Variants in ENPP6 observed in about 807,000 individuals in gnomAD.
ENPP6 encodes glycerophosphocholine cholinephosphodiesterase ENPP6.
Under a neutral mutation model 42.0 loss-of-function variants are expected in ENPP6, and 32 were observed. The observed-to-expected ratio is 0.76, with a 90% CI of 0.58 to 1.02. The LOEUF is 1.02. ENPP6 is among the 50% of genes least tolerant of loss of function. ENPP6 has a pLI of 0.00. For missense variants in ENPP6, 552 were observed against 566.8 expected, an observed-to-expected ratio of 0.97 and a Z score of 0.27; for synonymous variants, 213 against 216.0, an observed-to-expected ratio of 0.99 and a Z score of 0.12.
At position 184,217,859 on chromosome 4, in the gene ENPP6, C is replaced by T. The variant is rs202007283; in HGVS notation, c.-40G>A. On this transcript the variant is annotated 5_prime_UTR_variant, in exon 1 of 8. Coordinates refer to ENST00000296741, the MANE Select transcript of ENPP6 (RefSeq NM_153343.4). The stretch of plus-strand genomic sequence containing the variant: ...GCCAGAGCCCGGCTGGCACAGCTGT[C>T]GCCTTGCAAAGACTGAGGATGGAGA... The T allele has an allele frequency of 1.6e-4, 255 of 1,599,778 alleles. No individual in the cohort carries two copies. The highest frequency in any genetic ancestry group is 2.1e-4 in the Non-Finnish European group (242 of 1,173,808).
intron 2 of ENPP6, among the ~76,000 whole-genome samples, chr4:184,150,160 A>T (rs1307664389): frequency 2.6e-5 from 4 of 152,154 alleles, no homozygotes; most frequent in Non-Finnish European, 5.9e-5. Flanking sequence ...CCTGCACTCC[A>T]ATGGCAACAC....
Position 184,112,828 on chromosome 4 carries a change from G to A in ENPP6, c.856-19C>T. On this transcript the variant is annotated intron_variant, in intron 5 of 7. Transcript: ENST00000296741. Reference sequence around the variant, plus strand: ...TATATATCTGCAAAGAAAATCAAGAGTGATCAGTTTGACACTCTCTTAAAT... The same window carrying A: ...TATATATCTGCAAAGAAAATCAAGAATGATCAGTTTGACACTCTCTTAAAT... 6.2e-7 allele frequency: 1 copy of A among 1,610,956 alleles called. No individual in the cohort carries two copies. The highest frequency in any genetic ancestry group is 8.5e-7 in the Non-Finnish European group (1 of 1,178,826).
intron 2 of ENPP6, among the ~76,000 whole-genome samples, chr4:184,141,529 G>T: frequency 6.6e-6 from 1 of 152,344 alleles, no homozygotes; most frequent in East Asian, 1.9e-4. Context: ...CTTTGAGGGC[G>T]TGGTTTAGCT....
At chr4:184,118,450 T>G (rs1056850644) in intron 3 of ENPP6, among the ~76,000 whole-genome samples, 2 of 152,220 alleles carry the variant, frequency 1.3e-5, no homozygotes, top group Non-Finnish European at 2.9e-5. Context: ...CTGGTTTCCT[T>G]AAGGCTATTA....
At chr4:184,169,223 GC>G (rs1235389044) in intron 1 of ENPP6, among the ~76,000 whole-genome samples, 2 of 152,176 alleles carry the variant, frequency 1.3e-5, no homozygotes, top group Non-Finnish European at 2.9e-5. Context: ...GTGGCATCCA[GC>G]CCTAGCCAGG....
intron 2 of ENPP6, among the ~76,000 whole-genome samples, chr4:184,130,775 A>T (rs1171694432): frequency 6.6e-6 from 1 of 152,022 alleles, no homozygotes; most frequent in Non-Finnish European, 1.5e-5. Context: ...ATCTTAATGG[A>T]ACTAACTTTT....
chr4:184,203,988 G>A (rs1732946621), intron 1 of ENPP6: 1 of 152,252 alleles, frequency 6.6e-6, no homozygotes, highest in South Asian at 2.1e-4. Flanking sequence ...CAGTTCTGGA[G>A]GCTGGGAGTT....
At chr4:184,204,542 G>A (rs1272151021) in intron 1 of ENPP6, among the ~76,000 whole-genome samples, 2 of 152,060 alleles carry the variant, frequency 1.3e-5, no homozygotes, top group East Asian at 1.9e-4. Flanking sequence ...CCACTTTCTC[G>A]ACTTCAGCGA....
intron 2 of ENPP6, among the ~76,000 whole-genome samples, chr4:184,130,365 T>C (rs1439137838): frequency 1.3e-5 from 2 of 149,658 alleles, no homozygotes; most frequent in Non-Finnish European, 3.0e-5. Context: ...GAGACCATCC[T>C]GGCTAACACG....
At chr4:184,183,519 ATT>A (rs1159361853) in intron 1 of ENPP6, among the ~76,000 whole-genome samples, 5 of 112,872 alleles carry the variant, frequency 4.4e-5, no homozygotes, top group African/African-American at 8.4e-5. Flanking sequence ...ACACACACAC[ATT>A]CACACACACA....
At chr4:184,103,255 AC>A (rs1212111051) in intron 6 of ENPP6, among the ~76,000 whole-genome samples, 2 of 152,234 alleles carry the variant, frequency 1.3e-5, no homozygotes, top group African/African-American at 4.8e-5. Context: ...TCTCCTTTCA[AC>A]TACTGAAAGT....
At chr4:184,133,621 T>C (rs971871293) in intron 2 of ENPP6, among the ~76,000 whole-genome samples, 1 of 152,078 alleles carries the variant, frequency 6.6e-6, no homozygotes, top group Admixed American at 6.6e-5. Flanking sequence ...AGTTCAAAGC[T>C]AAATAGAAGT....
At chr4:184,144,506 G>A (rs1174440237) in intron 2 of ENPP6, among the ~76,000 whole-genome samples, 1 of 152,210 alleles carries the variant, frequency 6.6e-6, no homozygotes, top group Non-Finnish European at 1.5e-5. Flanking sequence ...GGAACGGATC[G>A]GGGGCAGCCT....
intron 1 of ENPP6, among the ~76,000 whole-genome samples, chr4:184,189,807 C>G (rs529866879): frequency 4.3e-4 from 65 of 152,300 alleles, no homozygotes; most frequent in African/African-American, 1.6e-3. Flanking sequence ...CACTTCTGGT[C>G]CATCCTGACT....
At chr4:184,117,127 C>T in intron 4 of ENPP6, 92 bp from the exon 5 acceptor site, 1 of 1,434,360 alleles carries the variant, frequency 7.0e-7, no homozygotes, top group Non-Finnish European at 9.6e-7. Context: ...AGGAGAAAGG[C>T]TATCTCCTCA....
chr4:184,132,128 T>C (rs1736647700), intron 2 of ENPP6, among the ~76,000 whole-genome samples: 1 of 152,086 alleles, frequency 6.6e-6, no homozygotes, highest in African/African-American at 2.4e-5. Context: ...GAGGGAAAAA[T>C]ACATTACTGA....
chr4:184,150,386 A>T (rs529392241), intron 2 of ENPP6, among the ~76,000 whole-genome samples: 1 of 152,116 alleles, frequency 6.6e-6, no homozygotes, highest in South Asian at 2.1e-4. Flanking sequence ...AGAGCAACGA[A>T]GATTTTCCAG....
chr4:184,122,093 T>C (rs567696886), intron 3 of ENPP6, among the ~76,000 whole-genome samples: 34 of 152,350 alleles, frequency 2.2e-4, no homozygotes, highest in African/African-American at 7.7e-4. Context: ...CCAAAGGGGC[T>C]GTTTCTGGTG....
At chr4:184,151,584 AG>A (rs1197247084) in intron 2 of ENPP6, among the ~76,000 whole-genome samples, 2 of 152,198 alleles carry the variant, frequency 1.3e-5, no homozygotes, top group Non-Finnish European at 2.9e-5. Context: ...AGATAGTGAA[AG>A]TCAAACTATC....
Sources: gnomAD v4.1 joint callset for allele counts (sites outside exome capture counted in the v4.1 genomes callset) on GRCh38, gnomAD v4.1.1 for gene constraint, MANE v1.5 for transcripts, NCBI Gene and HGNC (gene_info 2026-07-23, HGNC 2026-07-21) for gene names.